Variants in ROR1 observed in about 807,000 individuals in gnomAD.
ROR1 encodes the protein ROR family WNT receptor 1.
Under a neutral mutation model 78.8 loss-of-function variants are expected in ROR1, and 19 were observed. The observed-to-expected ratio is 0.24, with a 90% CI of 0.17 to 0.35. ROR1 has a LOEUF of 0.35. Among genes scored for constraint, ROR1 ranks in the 10% least tolerant of loss-of-function variants. The pLI is 1.00. For synonymous variants in ROR1, 386 were observed against 433.6 expected (o/e 0.89, Z 1.36); for missense variants, 917 against 1,177.8 (o/e 0.78, Z 3.24).
At chr1:63,910,837 A>G (rs370321865) in intron 1 of ROR1, among the ~76,000 whole-genome samples, 31 of 152,340 alleles carry the variant, frequency 2.0e-4, no homozygotes, top group African/African-American at 7.2e-4. Flanking sequence ...AAGGACGTGC[A>G]TCCAGCCTTT....
chr1:64,002,236 C>T lies in ROR1; in HGVS notation c.92-7069C>T, dbSNP rs561316430. Reference sequence around the variant, plus strand: ...GCAACCTCTGACTCCCTGGTTCAAGCGATTCTCCTGCCTCAGCCTCCCGAG... The same window carrying T: ...GCAACCTCTGACTCCCTGGTTCAAGTGATTCTCCTGCCTCAGCCTCCCGAG... On this transcript the variant is annotated intron_variant, in intron 1 of 8. Transcript: ENST00000371079. Among the ~76,000 whole-genome samples the T allele has an allele frequency of 5.3e-5, 8 of 149,826 alleles. 1 individual carries two copies. The South Asian group carries it at 1.1e-3, about 20-fold the overall frequency.
At chr1:64,064,982 A>G (rs1646945028) in intron 4 of ROR1, among the ~76,000 whole-genome samples, 1 of 152,192 alleles carries the variant, frequency 6.6e-6, no homozygotes, top group Non-Finnish European at 1.5e-5. Flanking sequence ...ATAAATCATC[A>G]TACCCTTGCC....
At chr1:63,821,683 A>G (rs555785238) in intron 1 of ROR1, among the ~76,000 whole-genome samples, 11 of 152,320 alleles carry the variant, frequency 7.2e-5, no homozygotes, top group African/African-American at 2.6e-4. Context: ...CCTAACCTGA[A>G]AAAGAAGCAG....
intron 1 of ROR1, among the ~76,000 whole-genome samples, chr1:63,815,087 T>C (rs1644882425): frequency 6.6e-6 from 1 of 152,180 alleles, no homozygotes; most frequent in Non-Finnish European, 1.5e-5. Flanking sequence ...GTATTATTAC[T>C]GCCTCTGTTT....
At chr1:63,967,459 C>T (rs1646084457) in intron 1 of ROR1, among the ~76,000 whole-genome samples, 1 of 152,114 alleles carries the variant, frequency 6.6e-6, no homozygotes, top group Admixed American at 6.5e-5. Context: ...CTCCTAGGCT[C>T]CATCGATCCT....
chr1:64,076,603 G>T (rs1356986992), intron 4 of ROR1, among the ~76,000 whole-genome samples: 1 of 152,166 alleles, frequency 6.6e-6, no homozygotes, highest in African/African-American at 2.4e-5. Flanking sequence ...AATTCTGGAA[G>T]TGTCAGACCT....
intron 4 of ROR1, among the ~76,000 whole-genome samples, chr1:64,076,521 T>C (rs1296130282): frequency 6.6e-6 from 1 of 152,178 alleles, no homozygotes; most frequent in Non-Finnish European, 1.5e-5. Flanking sequence ...ATTTAGAGAA[T>C]GCCACCAAGA....
Position 64,177,752 on chromosome 1 carries a change from T to A in ROR1, c.1711T>A (p.Ser571Thr). ...GTTCCTCATCATGAGATCCCCACAC[T>A]CTGATGTTGGCTGCAGCAGTGATGA... is the stretch of plus-strand genomic sequence containing the variant. ...HEFLIMRSPH[S>T]DVGCSSDEDG... The change falls in exon 9 of 9, where the codon TCT becomes ACT. Residue 571 changes from serine to threonine, a missense_variant. By Grantham distance (58) the Ser-to-Thr change is moderately conservative. This residue lies in a region of ROR1 where 835 missense variants were observed against 1,069.8 expected (regional missense o/e 0.78). Transcript: ENST00000371079. 1 of 1,614,128 alleles carries A rather than the reference T, an allele frequency of 6.2e-7. No individual in the cohort carries two copies. Among genetic ancestry groups the A allele is most frequent in the South Asian group, 1.1e-5 (1 of 91,078 alleles).
intron 1 of ROR1, among the ~76,000 whole-genome samples, chr1:63,879,799 A>G (rs1357384485): frequency 6.6e-6 from 1 of 152,190 alleles, no homozygotes; most frequent in Non-Finnish European, 1.5e-5. Flanking sequence ...AAGTACCAGC[A>G]TGAGATCAAG....
intron 4 of ROR1, among the ~76,000 whole-genome samples, chr1:64,104,054 A>G (rs1381637073): frequency 6.6e-6 from 1 of 152,144 alleles, no homozygotes; most frequent in Non-Finnish European, 1.5e-5. Context: ...ACAACTCTCC[A>G]GCCCCAAACG....
intron 7 of ROR1, among the ~76,000 whole-genome samples, chr1:64,145,040 G>A (rs1014065976): frequency 2.0e-5 from 3 of 152,032 alleles, no homozygotes; most frequent in East Asian, 1.9e-4. Flanking sequence ...TATGATGTCC[G>A]AACATAGTAA....
chr1:63,884,357 G>A (rs1319449074), intron 1 of ROR1, among the ~76,000 whole-genome samples: 1 of 152,168 alleles, frequency 6.6e-6, no homozygotes, highest in Non-Finnish European at 1.5e-5. Context: ...AGGGACACAT[G>A]GAGACCAGTT....
intron 1 of ROR1, among the ~76,000 whole-genome samples, chr1:63,815,451 T>G (rs973146161): frequency 6.6e-6 from 1 of 150,422 alleles, no homozygotes; most frequent in African/African-American, 2.5e-5. Context: ...ACTGGATTTT[T>G]TTTTTCTTTT....
intron 4 of ROR1, among the ~76,000 whole-genome samples, chr1:64,087,619 G>A (rs750254647): frequency 3.3e-5 from 5 of 152,172 alleles, no homozygotes; most frequent in Non-Finnish European, 7.3e-5. Flanking sequence ...TTATTGTCTT[G>A]TGATAAGCAG....
chr1:63,807,846 G>A lies in ROR1; in HGVS notation c.91+33338G>A, dbSNP rs181517286. Among the ~76,000 whole-genome samples the A allele has an allele frequency of 5.9e-5, 9 of 152,248 alleles. No individual in the cohort carries two copies. In the South Asian group the frequency reaches 1.0e-3, roughly 18 times the overall value. ...CTGGTCTCTGGAGATACAAAGATGCGTGGACACTTTTCAGTTCATAGTAAT... is the reference window on the plus strand; with the variant it reads ...CTGGTCTCTGGAGATACAAAGATGCATGGACACTTTTCAGTTCATAGTAAT... On this transcript the variant is annotated intron_variant, in intron 1 of 8. Coordinates refer to ENST00000371079, the MANE Select transcript of ROR1 (RefSeq NM_005012.4).
intron 1 of ROR1, among the ~76,000 whole-genome samples, chr1:63,792,609 A>C (rs956259897): frequency 6.6e-6 from 1 of 152,232 alleles, no homozygotes; most frequent in African/African-American, 2.4e-5. Flanking sequence ...ATGGGCTAAT[A>C]AAATCTCAGA....
At chr1:63,823,800 G>A (rs12131674) in intron 1 of ROR1, among the ~76,000 whole-genome samples, 5,575 of 149,762 alleles carry the variant, frequency 0.037, 156 homozygotes, top group Non-Finnish European at 0.055. Context: ...TCGATCTGTC[G>A]CCCAGGGTGC....
At chr1:63,892,232 G>A (rs1645403122) in intron 1 of ROR1, among the ~76,000 whole-genome samples, 1 of 152,156 alleles carries the variant, frequency 6.6e-6, no homozygotes, top group Non-Finnish European at 1.5e-5. Flanking sequence ...ACAAGGAACG[G>A]TTATACTATG....
intron 1 of ROR1, chr1:63,775,445 G>C (rs904313932): frequency 6.6e-6 from 1 of 152,120 alleles, no homozygotes; most frequent in African/African-American, 2.4e-5. Flanking sequence ...TAAAGTCTCC[G>C]GGGTCTCGGG....
Sources: allele counts gnomAD v4.1 joint callset (sites outside exome capture counted in the v4.1 genomes callset), GRCh38; gene constraint gnomAD v4.1.1; regional missense constraint gnomAD v4.1.1; transcripts MANE v1.5; gene names NCBI Gene and HGNC (gene_info 2026-07-23, HGNC 2026-07-21).